Variants in MBTPS1 observed in about 807,000 individuals in gnomAD.
MBTPS1 encodes membrane-bound transcription factor site-1 protease.
Under a neutral mutation model 127.8 loss-of-function variants are expected in MBTPS1, and 94 were observed. That is an observed-to-expected ratio of 0.74 (90% confidence interval 0.62 to 0.87). The LOEUF is 0.87. Ranked by LOEUF, MBTPS1 falls within the 40% of genes least tolerant of loss-of-function variation. MBTPS1 has a pLI of 0.00. For missense variants in MBTPS1, 1,636 were observed against 1,353.2 expected, an observed-to-expected ratio of 1.21 and a Z score of -3.28; for synonymous variants, 632 against 509.4, an observed-to-expected ratio of 1.24 and a Z score of -3.24.
intron 1 of MBTPS1, among the ~76,000 whole-genome samples, chr16:84,115,322 C>T (rs1279891401): frequency 1.3e-5 from 2 of 152,296 alleles, no homozygotes; most frequent in African/African-American, 4.8e-5. Flanking sequence ...TGGAATTTTC[C>T]CTTTTTATAT....
At chr16:84,090,821 C>T in intron 8 of MBTPS1, 54 bp downstream of exon 8, 1 of 1,264,178 alleles carries the variant, frequency 7.9e-7, no homozygotes, top group Non-Finnish European at 1.1e-6. Context: ...AACAATTTTT[C>T]AGTTATTTAA....
intron 1 of MBTPS1, among the ~76,000 whole-genome samples, chr16:84,104,850 C>T (rs2086301866): frequency 1.3e-5 from 2 of 151,724 alleles, no homozygotes; most frequent in South Asian, 4.2e-4. Context: ...CTGAGGCCGG[C>T]GGATCACTTG....
At chr16:84,096,713 C>T (rs1462948641) in intron 3 of MBTPS1, among the ~76,000 whole-genome samples, 1 of 152,226 alleles carries the variant, frequency 6.6e-6, no homozygotes, top group Non-Finnish European at 1.5e-5. Flanking sequence ...GACCTGGAAA[C>T]ACATACAGTC....
chr16:84,085,550 GT>G, intron 9 of MBTPS1, among the ~76,000 whole-genome samples: 1 of 143,658 alleles, frequency 7.0e-6, no homozygotes, highest in Non-Finnish European at 1.5e-5. Flanking sequence ...GTGAGATCCT[GT>G]CCCCCTCAGC....
chr16:84,054,561 A>G lies in MBTPS1; in HGVS notation c.3047T>C (p.Phe1016Ser). Residue 1016 changes from phenylalanine to serine, a missense_variant, in exon 23 of 23, where the codon TTC (phenylalanine) becomes TCC (serine). By Grantham distance (155) the Phe-to-Ser change is radical. Transcript: ENST00000343411. ...GGCCTTGTTGATTTGTACCACAAAG[A>G]AGGCCAGGACCACCATGGCTCCCAG... ...AFLGAMVVLA[F>S]FVVQINKAKS... 1.2e-6 allele frequency: 2 copies of G among 1,614,006 alleles called. No individual in the cohort carries two copies. The highest frequency in any genetic ancestry group is 1.7e-6 in the Non-Finnish European group (2 of 1,179,932).
At chr16:84,086,983 A>G (rs943263637) in intron 9 of MBTPS1, among the ~76,000 whole-genome samples, 2 of 152,146 alleles carry the variant, frequency 1.3e-5, no homozygotes, top group Admixed American at 6.5e-5. Context: ...CCCTCCCCCA[A>G]AAAATATCAT....
At chr16:84,080,822 T>C (rs1420375248) in intron 11 of MBTPS1, among the ~76,000 whole-genome samples, 1 of 152,200 alleles carries the variant, frequency 6.6e-6, no homozygotes, top group Non-Finnish European at 1.5e-5. Flanking sequence ...CTTCCCTTTA[T>C]CCTTCAGAGG....
intron 21 of MBTPS1, among the ~76,000 whole-genome samples, chr16:84,058,329 G>A (rs759528137): frequency 3.3e-5 from 5 of 152,214 alleles, no homozygotes; most frequent in Non-Finnish European, 5.9e-5. Flanking sequence ...AGGACGGAAG[G>A]TGGCCTCCGT....
intron 5 of MBTPS1, among the ~76,000 whole-genome samples, 175 bp downstream of exon 5, chr16:84,093,536 C>A (rs1025977312): frequency 6.6e-6 from 1 of 152,214 alleles, no homozygotes; most frequent in African/African-American, 2.4e-5. Context: ...CCACTCTCTC[C>A]TGAAGTGCTA....
rs748535059 is a variant in MBTPS1 at position 84,059,336 on chromosome 16, C to A, written c.2797G>T (p.Ala933Ser). Reference protein sequence around the residue: ...PLPACPRLSWAKPQPLNETAP... With the variant: ...PLPACPRLSWSKPQPLNETAP... ...GTCTCGTTTAAAGGCTGTGGCTTGG[C>A]CCAAGACAAGCGTGGACAGGCTGGT... The change falls in exon 21 of 23, where the codon GCC (alanine) becomes TCC (serine). Residue 933 changes from alanine (A) to serine (S), a missense_variant. Coordinates refer to ENST00000343411, the MANE Select transcript of MBTPS1 (RefSeq NM_003791.4). The A allele has an allele frequency of 1.2e-6, 2 of 1,614,082 alleles. No individual in the cohort carries two copies. Among genetic ancestry groups the A allele is most frequent in the Non-Finnish European group, 1.7e-6 (2 of 1,179,976 alleles).
At chr16:84,074,976 T>G (rs1478151923) in intron 11 of MBTPS1, 2 of 333,234 alleles carry the variant, frequency 6.0e-6, no homozygotes, top group Non-Finnish European at 5.5e-6. Context: ...CCTCTGCTTT[T>G]GCAAGTCTGG....
chr16:84,062,768 G>A (rs1384309247), intron 19 of MBTPS1, among the ~76,000 whole-genome samples: 2 of 152,174 alleles, frequency 1.3e-5, no homozygotes, highest in African/African-American at 4.8e-5. Flanking sequence ...AAGACGCGGA[G>A]GGAAGAGGAC....
intron 1 of MBTPS1, among the ~76,000 whole-genome samples, chr16:84,110,323 A>T (rs1373999528): frequency 1.3e-5 from 2 of 152,242 alleles, no homozygotes; most frequent in Non-Finnish European, 2.9e-5. Context: ...TTCTGCTAAC[A>T]TTAACCTGTG....
chr16:84,054,624 T>A lies in MBTPS1; in HGVS notation c.2984A>T (p.Asn995Ile). 1.9e-6 allele frequency: 3 copies of A among 1,609,480 alleles called. No individual in the cohort carries two copies. The highest frequency in any genetic ancestry group is 1.1e-5 in the South Asian group (1 of 90,538). The change falls in exon 23 of 23, where the codon AAC becomes ATC. Residue 995 changes from asparagine (N) to isoleucine (I), a missense_variant. Physicochemically the swap from Asn to Ile is moderately radical, Grantham distance 149. Coordinates refer to ENST00000343411, the MANE Select transcript of MBTPS1 (RefSeq NM_003791.4). ...AGGAATGGTCTGGCCCACCTCCTGG[T>A]TGTAGCGGCCAGGCATGATCCCTGT... ...IPGGIMPGRY[N>I]QEVGQTIPVF...
intron 11 of MBTPS1, 175 bp from the exon 12 acceptor site, chr16:84,074,916 G>A (rs993233539): frequency 1.9e-6 from 1 of 523,216 alleles, no homozygotes; most frequent in Admixed American, 3.5e-5. Context: ...CACAGATAAG[G>A]CCTCTGTGCC....
chr16:84,060,585 T>A, intron 20 of MBTPS1, 97 bp downstream of exon 20: 1 of 1,409,186 alleles, frequency 7.1e-7, no homozygotes, highest in Non-Finnish European at 9.7e-7. Flanking sequence ...GCACACAAAC[T>A]GGCCCCACTT....
chr16:84,070,300 G>C (rs1296042451), intron 13 of MBTPS1, among the ~76,000 whole-genome samples: 1 of 152,174 alleles, frequency 6.6e-6, no homozygotes, highest in Non-Finnish European at 1.5e-5. Context: ...TTTCCTTTTA[G>C]AGAATGTATA....
Position 84,066,478 on chromosome 16 carries a change from C to T in MBTPS1, c.2353+11G>A. Reference sequence around the variant, plus strand: ...CACCTAAGACCACGCCCTCAGGAAACAGAGCCTTACTGTCATGGTTGGCCA... The same window carrying T: ...CACCTAAGACCACGCCCTCAGGAAATAGAGCCTTACTGTCATGGTTGGCCA... On this transcript the variant is annotated intron_variant, in intron 17 of 22. Transcript: ENST00000343411. The T allele has an allele frequency of 1.2e-6, 2 of 1,613,560 alleles. No individual in the cohort carries two copies. Among genetic ancestry groups the T allele is most frequent in the Non-Finnish European group, 1.7e-6 (2 of 1,179,676 alleles).
intron 12 of MBTPS1, chr16:84,072,231 T>C (rs2085780568): frequency 1.3e-5 from 2 of 152,126 alleles, no homozygotes; most frequent in Admixed American, 1.3e-4. Context: ...GGACAGATGC[T>C]ATAGGATTCC....
Sources: gnomAD v4.1 joint callset for allele counts (sites outside exome capture counted in the v4.1 genomes callset) on GRCh38, gnomAD v4.1.1 for gene constraint, MANE v1.5 for transcripts, NCBI Gene and HGNC (gene_info 2026-07-23, HGNC 2026-07-21) for gene names.